The following C9orf153 variants were observed in gnomAD, a reference collection of about 807,000 sequenced individuals.
The protein encoded by C9orf153 is chromosome 9 open reading frame 153, also known as uncharacterized protein C9orf153.
Under a neutral mutation model 9.0 loss-of-function variants are expected in C9orf153, and 10 were observed. The observed-to-expected ratio is 1.11, with a 90% CI of 0.69 to 1.89. The LOEUF (loss-of-function observed/expected upper bound fraction) is 1.89. Ranked by LOEUF, C9orf153 falls within the 40% of genes most tolerant of loss-of-function variation. C9orf153 has a pLI of 0.00. For missense variants in C9orf153, 108 were observed against 111.0 expected, an observed-to-expected ratio of 0.97 and a Z score of 0.12; for synonymous variants, 35 against 37.3, an observed-to-expected ratio of 0.94 and a Z score of 0.23.
rs371250911 is a variant in C9orf153 at position 86,225,259 on chromosome 9, C to G, written c.242+2596G>C. Among the ~76,000 whole-genome samples the G allele has an allele frequency of 3.9e-5, 6 of 152,222 alleles. 1 individual carries two copies. The highest frequency in any genetic ancestry group is 3.9e-4 in the Admixed American group (6 of 15,288). ...ATGAATTGTTGCAATACTAATTACC[C>G]CTAAGGGATTACTGGATACCCTTCA... On this transcript the variant is annotated intron_variant, in intron 3 of 3. Coordinates refer to ENST00000339137, the MANE Select transcript of C9orf153 (RefSeq NM_001276366.4).
At chr9:86,255,991 A>G (rs1417349046) in intron 1 of C9orf153, among the ~76,000 whole-genome samples, 2 of 152,090 alleles carry the variant, frequency 1.3e-5, no homozygotes, top group Admixed American at 1.3e-4. Context: ...ACCCACTTTC[A>G]CTTATCAGCT....
intron 3 of C9orf153, among the ~76,000 whole-genome samples, chr9:86,225,443 T>C (rs11141304): frequency 1.2e-3 from 108 of 89,276 alleles, no homozygotes; most frequent in Middle Eastern, 6.9e-3. Flanking sequence ...CCTTCCTTCC[T>C]TCCTCTCTTT....
chr9:86,252,999 T>G (rs1365609180), intron 1 of C9orf153, among the ~76,000 whole-genome samples: 1 of 152,090 alleles, frequency 6.6e-6, no homozygotes, highest in Non-Finnish European at 1.5e-5. Flanking sequence ...GAAAACTTTT[T>G]TTTTTTAAGC....
chr9:86,227,843 A>G lies in C9orf153; in HGVS notation c.242+12T>C. 6.3e-7 allele frequency: 1 copy of G among 1,592,962 alleles called. No homozygotes were observed. The highest frequency in any genetic ancestry group is 8.5e-7 in the Non-Finnish European group (1 of 1,171,996). On this transcript the variant is annotated intron_variant, in intron 3 of 3. Coordinates refer to ENST00000339137, the MANE Select transcript of C9orf153 (RefSeq NM_001276366.4). ...CATGGATGCTTGCTTCTCTTTTTTAACCACTGTGCACCTGATAACAGGTTG... is the reference window on the plus strand; with the variant it reads ...CATGGATGCTTGCTTCTCTTTTTTAGCCACTGTGCACCTGATAACAGGTTG...
chr9:86,221,841 T>A, intron 3 of C9orf153, 108 bp from the exon 4 acceptor site: 1 of 594,990 alleles, frequency 1.7e-6, no homozygotes. Context: ...TCGAGTCCCC[T>A]CTTTCTGGCA....
chr9:86,252,297 T>C (rs780856300), intron 1 of C9orf153, among the ~76,000 whole-genome samples: 9 of 152,134 alleles, frequency 5.9e-5, no homozygotes, highest in East Asian at 1.9e-4. Flanking sequence ...GCCTCCCAAA[T>C]TGCTGGGATT....
intron 1 of C9orf153, among the ~76,000 whole-genome samples, chr9:86,237,136 T>C (rs1400139189): frequency 6.6e-6 from 1 of 151,978 alleles, no homozygotes; most frequent in Non-Finnish European, 1.5e-5. Context: ...GTTGTAAACA[T>C]ATACTGCAAA....
At position 86,252,092 on chromosome 9, in the gene C9orf153, T is replaced by C. The variant is rs188333406; in HGVS notation, c.-27+7458A>G. ...CTCTGTTGCCCAGGCTGTGGTGCAG[T>C]GGCACCACCTTGGCTCACTGCAACC... On this transcript the variant is annotated intron_variant, in intron 1 of 3. Coordinates refer to ENST00000339137, the MANE Select transcript of C9orf153 (RefSeq NM_001276366.4). Among the ~76,000 whole-genome samples, 547 of 152,280 alleles carry C rather than the reference T, an allele frequency of 3.6e-3. 2 individuals carry two copies. The highest frequency in any genetic ancestry group is 0.013 in the African/African-American group (526 of 41,570).
intron 1 of C9orf153, among the ~76,000 whole-genome samples, chr9:86,230,914 T>G (rs1824456041): frequency 6.6e-6 from 1 of 152,234 alleles, no homozygotes; most frequent in African/African-American, 2.4e-5. Context: ...GGCTGGCCTA[T>G]GCTTGGCTTT....
chr9:86,252,331 G>A (rs925215075), intron 1 of C9orf153, among the ~76,000 whole-genome samples: 2 of 152,092 alleles, frequency 1.3e-5, no homozygotes, highest in Non-Finnish European at 2.9e-5. Context: ...CCCACACCTG[G>A]CCCTTTATTT....
chr9:86,259,377 C>T (rs991850697), intron 1 of C9orf153, among the ~76,000 whole-genome samples, 173 bp downstream of exon 1: 3 of 152,114 alleles, frequency 2.0e-5, no homozygotes, highest in Non-Finnish European at 4.4e-5. Flanking sequence ...ACAGGCTCCT[C>T]ATCCTTATTG....
At chr9:86,240,680 A>ATTTGC (rs1437925072) in intron 1 of C9orf153, among the ~76,000 whole-genome samples, 2 of 139,718 alleles carry the variant, frequency 1.4e-5, no homozygotes, top group Admixed American at 1.5e-4. Flanking sequence ...AACCGCACTA[A>ATTTGC]TTTGCTTTTC....
intron 1 of C9orf153, among the ~76,000 whole-genome samples, chr9:86,253,290 A>C (rs547981340): frequency 6.6e-6 from 1 of 152,330 alleles, no homozygotes; most frequent in African/African-American, 2.4e-5. Context: ...AGCCCTTTGG[A>C]AAGACTGGCC....
chr9:86,229,976 C>T (rs1824434172), intron 1 of C9orf153, among the ~76,000 whole-genome samples: 2 of 152,042 alleles, frequency 1.3e-5, no homozygotes, highest in African/African-American at 4.8e-5. Flanking sequence ...AAGTGCTATA[C>T]ACTTTTAAAC....
intron 1 of C9orf153, among the ~76,000 whole-genome samples, chr9:86,246,717 T>C (rs527675420): frequency 6.6e-6 from 1 of 152,300 alleles, no homozygotes; most frequent in East Asian, 1.9e-4. Flanking sequence ...AAAAATGCAC[T>C]CACCAATGGG....
chr9:86,241,940 C>T (rs756018111), intron 1 of C9orf153, among the ~76,000 whole-genome samples: 2 of 152,124 alleles, frequency 1.3e-5, no homozygotes, highest in Non-Finnish European at 2.9e-5. Context: ...GTGGAGTTTA[C>T]AGGCTAGCAA....
At chr9:86,256,884 TCAC>T (rs1294730023) in intron 1 of C9orf153, among the ~76,000 whole-genome samples, 3 of 152,070 alleles carry the variant, frequency 2.0e-5, no homozygotes, top group Admixed American at 1.3e-4. Flanking sequence ...TTTGAGTGAG[TCAC>T]TGTGGCATGC....
Position 86,220,359 on chromosome 9 carries a change from C to T in C9orf153, c.*1329G>A, listed in dbSNP as rs752152037. 2 of 152,124 alleles carry T rather than the reference C, an allele frequency of 1.3e-5. No homozygotes were observed. The highest frequency in any genetic ancestry group is 2.9e-5 in the Non-Finnish European group (2 of 68,022). 9.4% of individuals were successfully genotyped at this position (152,124 alleles called of 1,614,324 possible). On this transcript the variant is annotated 3_prime_UTR_variant, in exon 4 of 4. Transcript: ENST00000339137. Reference sequence around the variant, plus strand: ...TTCTTGCATTCCCTCTGGGTTCTTACTAAAATACATACTTTATTAGTAGTT... The same window carrying T: ...TTCTTGCATTCCCTCTGGGTTCTTATTAAAATACATACTTTATTAGTAGTT...
At chr9:86,249,412 A>G (rs1338932468) in intron 1 of C9orf153, among the ~76,000 whole-genome samples, 4 of 152,188 alleles carry the variant, frequency 2.6e-5, no homozygotes, top group Non-Finnish European at 5.9e-5. Flanking sequence ...AGAACAAAGC[A>G]TTGTTGTGTC....
Sources: allele counts gnomAD v4.1 joint callset (sites outside exome capture counted in the v4.1 genomes callset), GRCh38; gene constraint gnomAD v4.1.1; transcripts MANE v1.5; gene names NCBI Gene and HGNC (gene_info 2026-07-23, HGNC 2026-07-21).